PCSK5: variants seen among roughly 807,000 people sequenced by gnomAD.
PCSK5 encodes proprotein convertase subtilisin/kexin type 5.
PCSK5 carries 129 observed loss-of-function variants against 233.2 expected under a neutral mutation model. The observed-to-expected ratio is 0.55, with a 90% CI of 0.48 to 0.64. The LOEUF (loss-of-function observed/expected upper bound fraction) is 0.64. PCSK5 is among the 30% of genes least tolerant of loss of function. The pLI is 0.00. For synonymous variants in PCSK5, 825 were observed against 879.2 expected (o/e 0.94, Z 1.09); for missense variants, 2,076 against 2,430.1 (o/e 0.85, Z 3.06).
intron 3 of PCSK5, among the ~76,000 whole-genome samples, chr9:76,017,749 T>A (rs1243945207): frequency 6.6e-6 from 1 of 152,052 alleles, no homozygotes; most frequent in African/African-American, 2.4e-5. Context: ...TGTGTGTGTG[T>A]ATGTGTGTGT....
chr9:76,334,479 T>A (rs1829621701), intron 34 of PCSK5, among the ~76,000 whole-genome samples: 1 of 152,134 alleles, frequency 6.6e-6, no homozygotes, highest in Non-Finnish European at 1.5e-5. Context: ...ACGCCTATAA[T>A]CCCAGCACTT....
At chr9:76,177,963 T>G (rs1018801236) in intron 14 of PCSK5, among the ~76,000 whole-genome samples, 32 of 148,232 alleles carry the variant, frequency 2.2e-4, no homozygotes, top group African/African-American at 8.0e-4. Flanking sequence ...TTTTTTTTTT[T>G]AATTCTAGAA....
chr9:75,925,389 C>T (rs945890422), intron 1 of PCSK5, among the ~76,000 whole-genome samples: 2 of 152,206 alleles, frequency 1.3e-5, no homozygotes, highest in Non-Finnish European at 2.9e-5. Context: ...AGGGGCTATT[C>T]ATTCATTGCT....
In PCSK5 at chr9:76,227,591, C is replaced by T. The variant is rs531094559; in HGVS notation, c.2715C>T (p.Thr905=). 7.7e-5 allele frequency: 124 copies of T among 1,609,054 alleles called. No individual in the cohort carries two copies. The South Asian group carries it at 1.1e-3, about 14-fold the overall frequency. ...GACCAACCCAGGAAGACTGCACTAC[C>T]TGCCCCATGACAAGGTAAGTGGCTT... ...CQGPTQEDCT[T]CPMTRIFDDG... Residue 905 remains threonine, a synonymous_variant, in exon 21 of 38, where the codon ACC becomes ACT. Transcript: ENST00000674117.
At position 76,088,901 on chromosome 9, in the gene PCSK5, G is replaced by A. The variant is rs1831170345; in HGVS notation, c.895-6989G>A. On this transcript the variant is annotated intron_variant, in intron 7 of 37. Coordinates refer to ENST00000674117, the MANE Select transcript of PCSK5 (RefSeq NM_001372043.1). ...ACAAAAAACAGTAGTTTTTAAAGGGGGTTTTGGTGGTGTTCGTGAGGTTTT... is the reference window on the plus strand; with the variant it reads ...ACAAAAAACAGTAGTTTTTAAAGGGAGTTTTGGTGGTGTTCGTGAGGTTTT... Among the ~76,000 whole-genome samples, 3 of 150,952 alleles carry A rather than the reference G, an allele frequency of 2.0e-5. No individual in the cohort carries two copies. The South Asian group carries it at 6.3e-4, about 32-fold the overall frequency.
chr9:76,043,785 T>C (rs1829240482), intron 5 of PCSK5, among the ~76,000 whole-genome samples: 1 of 152,188 alleles, frequency 6.6e-6, no homozygotes, highest in Admixed American at 6.5e-5. Context: ...TTGCCTAGGC[T>C]GGTCTTGAAC....
intron 8 of PCSK5, among the ~76,000 whole-genome samples, chr9:76,101,457 T>A (rs1238096643): frequency 6.6e-6 from 1 of 152,228 alleles, no homozygotes; most frequent in Non-Finnish European, 1.5e-5. Flanking sequence ...AGATCCTATC[T>A]ATAACCCCTC....
At chr9:76,130,885 ATGT>A (rs1280831634) in intron 9 of PCSK5, among the ~76,000 whole-genome samples, 1 of 152,016 alleles carries the variant, frequency 6.6e-6, no homozygotes, top group African/African-American at 2.4e-5. Flanking sequence ...GGATTGGGAG[ATGT>A]TGTTCTTTTC....
At chr9:76,193,340 A>G (rs777818697) in intron 20 of PCSK5, 1 of 1,611,252 alleles carries the variant, frequency 6.2e-7, no homozygotes. Context: ...AAACATGTAC[A>G]TTTCAAGGCT....
intron 10 of PCSK5, among the ~76,000 whole-genome samples, chr9:76,148,322 G>GGA (rs1400864951): frequency 7.1e-6 from 1 of 141,682 alleles, no homozygotes. Context: ...GCTTAGAGAG[G>GGA]GAGAGAGAGA....
intron 2 of PCSK5, among the ~76,000 whole-genome samples, chr9:75,951,161 CA>C (rs1447426546): frequency 6.6e-6 from 1 of 152,164 alleles, no homozygotes; most frequent in Non-Finnish European, 1.5e-5. Context: ...CCTGAGAGGG[CA>C]AAGGCTTCAT....
intron 21 of PCSK5, among the ~76,000 whole-genome samples, chr9:76,231,331 C>T (rs952844776): frequency 2.6e-5 from 4 of 152,140 alleles, no homozygotes; most frequent in South Asian, 4.1e-4. Flanking sequence ...GTCCCTCCCA[C>T]GACTCGGATC....
rs150988364 is a variant in PCSK5 at position 76,087,665 on chromosome 9, T to C, written c.895-8225T>C. ...ATGCTCAGGAAGCACAGAAAATGGA[T>C]TTTCATTTGTGAATGGTAAAATTAA... is the stretch of plus-strand genomic sequence containing the variant. On this transcript the variant is annotated intron_variant, in intron 7 of 37. Transcript: ENST00000674117. 4.3e-4 allele frequency among the ~76,000 whole-genome samples: 66 copies of C among 152,370 alleles called. 1 individual carries two copies. The highest frequency in any genetic ancestry group is 3.4e-3 in the Middle Eastern group (1 of 294).
At chr9:76,221,562 A>C (rs1040750350) in intron 20 of PCSK5, among the ~76,000 whole-genome samples, 3 of 152,218 alleles carry the variant, frequency 2.0e-5, no homozygotes, top group Admixed American at 1.3e-4. Context: ...CTTGTAATAC[A>C]GTAGGCATCC....
intron 31 of PCSK5, 107 bp from the exon 32 acceptor site, chr9:76,322,945 T>G: frequency 1.5e-6 from 1 of 661,880 alleles, no homozygotes; most frequent in Non-Finnish European, 2.7e-6. Flanking sequence ...AAGCATACTC[T>G]CAGGTCAAAT....
chr9:76,135,123 G>T (rs150918934), intron 10 of PCSK5, among the ~76,000 whole-genome samples: 7 of 152,162 alleles, frequency 4.6e-5, no homozygotes, highest in Non-Finnish European at 8.8e-5. Flanking sequence ...CTGATGGTCA[G>T]ACCGTTGGTA....
At chr9:76,034,921 G>A (rs1055112350) in intron 5 of PCSK5, among the ~76,000 whole-genome samples, 1 of 152,118 alleles carries the variant, frequency 6.6e-6, no homozygotes, top group Non-Finnish European at 1.5e-5. Context: ...GTTGCTGACC[G>A]ATTAAATGGT....
intron 33 of PCSK5, among the ~76,000 whole-genome samples, chr9:76,328,736 A>G (rs913445157): frequency 1.6e-4 from 24 of 152,184 alleles, no homozygotes; most frequent in African/African-American, 5.5e-4. Context: ...TACTATCCAT[A>G]TTACAATTTT....
At chr9:76,147,483 G>A (rs1022546358) in intron 10 of PCSK5, among the ~76,000 whole-genome samples, 1 of 152,116 alleles carries the variant, frequency 6.6e-6, no homozygotes, top group Non-Finnish European at 1.5e-5. Context: ...TAACCTAAGT[G>A]TTCTCAAAGT....
Sources: allele counts gnomAD v4.1 joint callset (sites outside exome capture counted in the v4.1 genomes callset), GRCh38; gene constraint gnomAD v4.1.1; transcripts MANE v1.5; gene names NCBI Gene and HGNC (gene_info 2026-07-23, HGNC 2026-07-21).